CEP192: variants seen among roughly 807,000 people sequenced by gnomAD.
CEP192 encodes the protein centrosomal protein 192.
In CEP192, 151 loss-of-function variants were observed where a neutral mutation model predicts 271.8. That is an observed-to-expected ratio of 0.56 (90% confidence interval 0.49 to 0.64). CEP192 has a LOEUF of 0.64. Among genes scored for constraint, CEP192 ranks in the 30% least tolerant of loss-of-function variants. The pLI is 0.00. For synonymous variants in CEP192, 995 were observed against 1,076.5 expected (o/e 0.92, Z 1.48); for missense variants, 2,910 against 3,020.5 (o/e 0.96, Z 0.86).
chr18:13,053,774 G>T (rs934997167), intron 18 of CEP192, among the ~76,000 whole-genome samples: 2 of 152,010 alleles, frequency 1.3e-5, no homozygotes, highest in African/African-American at 4.8e-5. Flanking sequence ...ACTACAGCCT[G>T]GGACCGCTGG....
chr18:12,992,650 G>C, intron 1 of CEP192, among the ~76,000 whole-genome samples: 1 of 152,208 alleles, frequency 6.6e-6, no homozygotes, highest in East Asian at 1.9e-4. Flanking sequence ...TTATGTCCAT[G>C]AATGGTTTAC....
chr18:13,093,191 A>C (rs963144132), intron 34 of CEP192, among the ~76,000 whole-genome samples: 6 of 152,218 alleles, frequency 3.9e-5, no homozygotes, highest in African/African-American at 1.4e-4. Context: ...ACTCTCCTGC[A>C]TAGCCATGGA....
At chr18:12,996,253 T>C (rs1421811798) in intron 1 of CEP192, among the ~76,000 whole-genome samples, 3 of 152,040 alleles carry the variant, frequency 2.0e-5, no homozygotes, top group Admixed American at 6.5e-5. Context: ...CTGGGCAGGT[T>C]GTTAATGTAT....
rs12955087 is a variant in CEP192, at chr18:13,040,860, G to C, written c.1840G>C (p.Glu614Gln). Residue 614 changes from glutamate (E) to glutamine (Q), a missense_variant, in exon 14 of 45, where the codon GAG becomes CAG. Physicochemically the swap from Glu to Gln is conservative, Grantham distance 29. Transcript: ENST00000506447. The part of the protein sequence containing the change: ...PSFGYFIRSP[E>Q]KREPIALIRK... ...ATTTGGCTATTTTATTAGATCACCA[G>C]AGAAGAGAGAACCTATTGCCTTAAT... is the stretch of plus-strand genomic sequence containing the variant. 2 of 1,599,218 alleles carry C rather than the reference G, an allele frequency of 1.3e-6. No homozygotes were observed. Among genetic ancestry groups the C allele is most frequent in the Non-Finnish European group, 1.7e-6 (2 of 1,170,662 alleles).
At chr18:13,120,417 C>T (rs148519354) in intron 44 of CEP192, among the ~76,000 whole-genome samples, 4 of 152,132 alleles carry the variant, frequency 2.6e-5, no homozygotes, top group South Asian at 4.1e-4. Context: ...GTAGACTTGC[C>T]GCTCCAGTGC....
chr18:13,118,150 C>G (rs2040515481), intron 44 of CEP192, among the ~76,000 whole-genome samples: 1 of 152,118 alleles, frequency 6.6e-6, no homozygotes, highest in Admixed American at 6.5e-5. Context: ...ATTTTCTTTT[C>G]TATATGATGC....
chr18:13,124,508 A>G, intron 44 of CEP192, 124 bp from the exon 45 acceptor site: 1 of 807,692 alleles, frequency 1.2e-6, no homozygotes, highest in Non-Finnish European at 1.8e-6. Flanking sequence ...TCATAAATAC[A>G]TTTAAGCTGA....
rs2035520031 is a variant in CEP192, at chr18:13,029,926, C to T, written c.1314C>T (p.Phe438=). 3.9e-6 allele frequency: 6 copies of T among 1,551,566 alleles called. No individual in the cohort carries two copies. The South Asian group carries it at 4.8e-5, about 12-fold the overall frequency. Residue 438 remains phenylalanine (F), a synonymous_variant, in exon 10 of 45, where the codon TTC becomes TTT. Coordinates refer to ENST00000506447, the MANE Select transcript of CEP192 (RefSeq NM_032142.4). The stretch of plus-strand genomic sequence containing the variant: ...CCATTAGTGACAGTGGAATTAATTT[C>T]ACTGATGCCATTTGGTCACCAACTT... The part of the protein sequence containing the change: ...LKPISDSGIN[F]TDAIWSPTCE...
chr18:13,090,911 C>T (rs2039115807), intron 33 of CEP192, among the ~76,000 whole-genome samples: 1 of 152,170 alleles, frequency 6.6e-6, no homozygotes, highest in Non-Finnish European at 1.5e-5. Context: ...GCTGGCATTG[C>T]CCCACCATAT....
intron 44 of CEP192, among the ~76,000 whole-genome samples, chr18:13,123,364 C>T (rs529499746): frequency 4.4e-4 from 67 of 152,242 alleles, no homozygotes; most frequent in African/African-American, 1.5e-3. Flanking sequence ...CACACCTTTG[C>T]TCTATATAGA....
intron 26 of CEP192, among the ~76,000 whole-genome samples, chr18:13,069,433 T>C (rs2037890612): frequency 6.6e-6 from 1 of 152,218 alleles, no homozygotes; most frequent in African/African-American, 2.4e-5. Context: ...AAAACATGCA[T>C]GTCACCCTTT....
At chr18:13,101,887 C>A (rs765598388) in intron 38 of CEP192, among the ~76,000 whole-genome samples, 4 of 152,112 alleles carry the variant, frequency 2.6e-5, no homozygotes, top group Non-Finnish European at 5.9e-5. Flanking sequence ...CTTCTGGACT[C>A]CTGAGTCTGT....
Position 13,037,308 on chromosome 18 carries a change from AATT to A in CEP192, c.1599+11_1599+13del. On this transcript the variant is annotated splice_region_variant and intron_variant, in intron 12 of 44. Coordinates refer to ENST00000506447, the MANE Select transcript of CEP192 (RefSeq NM_032142.4). The stretch of plus-strand genomic sequence containing the variant: ...AGAGCATCAATTTATACAGGTTTGT[AATT>A]ATTTGTTTTATCCAAAATTTAAAAT... The A allele has an allele frequency of 1.6e-6, 2 of 1,235,314 alleles. No homozygotes were observed. Among genetic ancestry groups the A allele is most frequent in the Non-Finnish European group, 2.3e-6 (2 of 866,482 alleles). The allele number at this position is 1,235,314 out of a possible 1,614,324, so 76.5% of individuals were successfully genotyped here. A position where few individuals can be genotyped will look rare whatever the true frequency, so the allele number is the denominator to read the frequency against.
intron 34 of CEP192, among the ~76,000 whole-genome samples, chr18:13,094,615 G>A (rs1017760439): frequency 1.3e-5 from 2 of 152,154 alleles, no homozygotes; most frequent in Non-Finnish European, 2.9e-5. Context: ...ATTTCTCTCC[G>A]AAGCTGAGAG....
chr18:13,106,664 G>A (rs1042043395), intron 40 of CEP192, among the ~76,000 whole-genome samples: 11 of 128,192 alleles, frequency 8.6e-5, no homozygotes, highest in Non-Finnish European at 1.3e-4. Context: ...CCCCACACAG[G>A]TACCACCACC....
chr18:13,039,423 T>TC (rs1804135722), intron 13 of CEP192, among the ~76,000 whole-genome samples: 1 of 149,224 alleles, frequency 6.7e-6, no homozygotes, highest in South Asian at 2.1e-4. Flanking sequence ...GCCACTGCAC[T>TC]CCAGCCTGGG....
chr18:13,000,199 C>T (rs1052292968), intron 2 of CEP192: 1 of 143,364 alleles, frequency 7.0e-6, no homozygotes, highest in African/African-American at 2.6e-5. Flanking sequence ...CTCAAGTGAT[C>T]CTCCTGCCTC....
chr18:13,048,398 C>A (rs1031511511), intron 15 of CEP192, among the ~76,000 whole-genome samples: 1 of 152,124 alleles, frequency 6.6e-6, no homozygotes, highest in Middle Eastern at 3.2e-3. Flanking sequence ...ACTCTTATTT[C>A]GTAATGGCCC....
Position 13,035,532 on chromosome 18 carries a change from TTATC to T in CEP192, c.1535-1703_1535-1700del, listed in dbSNP as rs528075436. On this transcript the variant is annotated intron_variant, in intron 11 of 44. Transcript: ENST00000506447. ...GGAAAGACCGGCCTCCATGTTTCAGTTATCTCCCCCTGGGTCCCTCCCACAACAT... is the reference window on the plus strand; with the variant it reads ...GGAAAGACCGGCCTCCATGTTTCAGTTCCCCCTGGGTCCCTCCCACAACAT... Among the ~76,000 whole-genome samples, 8 of 152,318 alleles carry T rather than the reference TTATC, an allele frequency of 5.3e-5. No homozygotes were observed. In the South Asian group the frequency reaches 1.7e-3, roughly 32 times the overall value.
Sources: gnomAD v4.1 joint callset for allele counts (sites outside exome capture counted in the v4.1 genomes callset) on GRCh38, gnomAD v4.1.1 for gene constraint, MANE v1.5 for transcripts, NCBI Gene and HGNC (gene_info 2026-07-23, HGNC 2026-07-21) for gene names.